Variants in GRID1 observed in about 807,000 individuals in gnomAD.
The protein encoded by GRID1 is glutamate ionotropic receptor delta type subunit 1.
GRID1 carries 28 observed loss-of-function variants against 98.0 expected under a neutral mutation model. The ratio of observed to expected loss-of-function variants is 0.29; its 90% CI spans 0.21 to 0.39. The LOEUF (loss-of-function observed/expected upper bound fraction) is 0.39, where lower values mean the gene tolerates loss of function less well. GRID1 is among the 10% of genes least tolerant of loss of function. GRID1 has a pLI of 1.00. For missense variants in GRID1, 1,111 were observed against 1,340.5 expected, an observed-to-expected ratio of 0.83 and a Z score of 2.67; for synonymous variants, 553 against 538.5, an observed-to-expected ratio of 1.03 and a Z score of -0.37.
At chr10:85,839,782 T>C (rs772611935) in intron 8 of GRID1, among the ~76,000 whole-genome samples, 1 of 151,586 alleles carries the variant, frequency 6.6e-6, no homozygotes, top group Non-Finnish European at 1.5e-5. Flanking sequence ...AAAGCTAAAC[T>C]GAAGGAAAAC....
chr10:86,118,406 A>G (rs1221281086), intron 4 of GRID1, among the ~76,000 whole-genome samples: 3 of 152,160 alleles, frequency 2.0e-5, no homozygotes, highest in Non-Finnish European at 2.9e-5. Context: ...TGATGGGTGC[A>G]CCAAAATCTC....
At chr10:85,695,595 G>A (rs1841384519) in intron 12 of GRID1, among the ~76,000 whole-genome samples, 1 of 152,170 alleles carries the variant, frequency 6.6e-6, no homozygotes, top group South Asian at 2.1e-4. Flanking sequence ...CTGGATACAG[G>A]AGGAATAGAA....
At chr10:86,072,801 T>C (rs904182077) in intron 4 of GRID1, among the ~76,000 whole-genome samples, 1 of 152,198 alleles carries the variant, frequency 6.6e-6, no homozygotes, top group South Asian at 2.1e-4. Flanking sequence ...AAACAAGTGG[T>C]TTACTTGTCC....
rs150271965 is a variant in GRID1, at chr10:86,201,861, CTTG to C, written c.520+4500_520+4502del. Among the ~76,000 whole-genome samples the C allele has an allele frequency of 4.7e-3, 720 of 152,242 alleles. 1 individual carries two copies. Among genetic ancestry groups the C allele is most frequent in the Non-Finnish European group, 8.6e-3 (582 of 68,010 alleles). ...AAAAACTATCAAGGAAAGCGAGGGT[CTTG>C]TTAGCACACAATCGGGAGAGTGTTT... On this transcript the variant is annotated intron_variant, in intron 3 of 15. Transcript: ENST00000327946.
At chr10:85,782,361 T>C (rs540607490) in intron 8 of GRID1, among the ~76,000 whole-genome samples, 1 of 152,370 alleles carries the variant, frequency 6.6e-6, no homozygotes, top group East Asian at 1.9e-4. Context: ...TATCATTGTC[T>C]ACTGACAGCT....
chr10:85,997,323 T>C (rs576793372), intron 4 of GRID1, among the ~76,000 whole-genome samples: 1 of 151,620 alleles, frequency 6.6e-6, no homozygotes, highest in African/African-American at 2.4e-5. Flanking sequence ...TGCTTGAACC[T>C]GGGAGGTGGA....
intron 4 of GRID1, among the ~76,000 whole-genome samples, chr10:86,051,938 A>G (rs1404205976): frequency 6.6e-6 from 1 of 152,216 alleles, no homozygotes; most frequent in African/African-American, 2.4e-5. Flanking sequence ...ATTTTTATGT[A>G]TTTATCTTTA....
chr10:85,852,552 G>A (rs1843069839), intron 8 of GRID1, among the ~76,000 whole-genome samples: 1 of 152,244 alleles, frequency 6.6e-6, no homozygotes, highest in Non-Finnish European at 1.5e-5. Context: ...GACGGAAGGA[G>A]CTGGCAGGCA....
At chr10:86,027,474 AC>A (rs1301098847) in intron 4 of GRID1, among the ~76,000 whole-genome samples, 1 of 152,246 alleles carries the variant, frequency 6.6e-6, no homozygotes, top group East Asian at 1.9e-4. Flanking sequence ...TGGATATGCC[AC>A]ATTCTATTTA....
chr10:85,657,499 T>C (rs1262893058), intron 12 of GRID1, among the ~76,000 whole-genome samples: 1 of 152,238 alleles, frequency 6.6e-6, no homozygotes. Flanking sequence ...GTTATATGTA[T>C]GAATCATATA....
At chr10:86,067,994 A>G (rs897491581) in intron 4 of GRID1, among the ~76,000 whole-genome samples, 2 of 152,260 alleles carry the variant, frequency 1.3e-5, no homozygotes, top group Non-Finnish European at 2.9e-5. Flanking sequence ...GTCAGACTTA[A>G]GCAGGGAGAA....
At chr10:86,358,224 G>A (rs987044123) in intron 2 of GRID1, among the ~76,000 whole-genome samples, 2 of 152,120 alleles carry the variant, frequency 1.3e-5, no homozygotes, top group African/African-American at 4.8e-5. Flanking sequence ...ACTATAGCAG[G>A]CCCAGCGAAC....
intron 8 of GRID1, among the ~76,000 whole-genome samples, chr10:85,775,134 T>C (rs1842316567): frequency 1.3e-5 from 2 of 152,176 alleles, no homozygotes; most frequent in Admixed American, 1.3e-4. Context: ...CACCATGGAA[T>C]ACTATGCAGC....
chr10:85,774,689 A>G (rs1429610597), intron 8 of GRID1, among the ~76,000 whole-genome samples: 1 of 151,856 alleles, frequency 6.6e-6, no homozygotes, highest in Non-Finnish European at 1.5e-5. Flanking sequence ...ACTTCTGAAA[A>G]GAAGACATTT....
intron 8 of GRID1, among the ~76,000 whole-genome samples, chr10:85,841,259 G>C (rs1229972323): frequency 6.6e-6 from 1 of 152,108 alleles, no homozygotes; most frequent in Non-Finnish European, 1.5e-5. Context: ...TTCAATAAAT[G>C]GTGCTGGAAT....
At chr10:86,225,352 T>A (rs1846323645) in intron 2 of GRID1, among the ~76,000 whole-genome samples, 3 of 152,186 alleles carry the variant, frequency 2.0e-5, no homozygotes, top group African/African-American at 7.2e-5. Flanking sequence ...CTTAAATGGT[T>A]GAGTGTTTTT....
Position 85,724,552 on chromosome 10 carries a change from C to T in GRID1, c.1658G>A (p.Ser553Asn). The change falls in exon 11 of 16, where the codon AGC becomes AAC. Residue 553 changes from serine to asparagine, a missense_variant. By Grantham distance (46) the Ser-to-Asn change is conservative. Coordinates refer to ENST00000327946, the MANE Select transcript of GRID1 (RefSeq NM_017551.3). ...ILIKKPEEKI[S>N]IFSLFAPFDF... ...AAATGGAGCAAAGAGGGAGAAGATG[C>T]TGATTTTCTCCTCGGGCTTCTTAAT... 6.2e-7 allele frequency: 1 copy of T among 1,613,680 alleles called. No individual in the cohort carries two copies. The highest frequency in any genetic ancestry group is 8.5e-7 in the Non-Finnish European group (1 of 1,179,958).
intron 15 of GRID1, among the ~76,000 whole-genome samples, chr10:85,603,838 G>A (rs570567417): frequency 3.9e-5 from 6 of 152,286 alleles, no homozygotes; most frequent in Admixed American, 2.0e-4. Flanking sequence ...CCCTGCAGGT[G>A]GTCTCATGTT....
At chr10:85,656,513 G>A (rs763784354) in intron 12 of GRID1, among the ~76,000 whole-genome samples, 9 of 152,094 alleles carry the variant, frequency 5.9e-5, no homozygotes, top group Non-Finnish European at 1.3e-4. Context: ...GCAATCACCC[G>A]TCTGACCACT....
Sources: allele counts gnomAD v4.1 joint callset (sites outside exome capture counted in the v4.1 genomes callset), GRCh38; gene constraint gnomAD v4.1.1; transcripts MANE v1.5; gene names NCBI Gene and HGNC (gene_info 2026-07-23, HGNC 2026-07-21).